The following NCOR2 variants were observed in gnomAD, a reference collection of about 807,000 sequenced individuals.
The protein encoded by NCOR2 is nuclear receptor corepressor 2, also known as CTG repeat protein 26.
A neutral mutation model predicts 262.9 loss-of-function variants in NCOR2; 81 were observed. That is an observed-to-expected ratio of 0.31 (90% CI 0.26 to 0.37). NCOR2 has a LOEUF of 0.37. Ranked by LOEUF, NCOR2 falls within the 10% of genes least tolerant of loss-of-function variation. The pLI is 1.00. For synonymous variants in NCOR2, 1,659 were observed against 1,559.3 expected (o/e 1.06, Z -1.51); for missense variants, 3,385 against 3,621.4 (o/e 0.93, Z 1.68).
At chr12:124,478,706 G>A (rs973631478) in intron 3 of NCOR2, among the ~76,000 whole-genome samples, 2 of 152,088 alleles carry the variant, frequency 1.3e-5, no homozygotes, top group Admixed American at 6.5e-5. Flanking sequence ...AAGCAGAGAG[G>A]AGAGAGAGAC....
intron 12 of NCOR2, among the ~76,000 whole-genome samples, chr12:124,421,041 G>A (rs957751505): frequency 2.0e-5 from 3 of 152,234 alleles, no homozygotes; most frequent in East Asian, 3.9e-4. Flanking sequence ...GTGGGTGCCC[G>A]ACTTCTCCTT....
chr12:124,325,386 C>CCCCCG (rs767845044), exon 47 of NCOR2: 5 of 589,734 alleles, frequency 8.5e-6, no homozygotes, highest in East Asian at 3.8e-5. Flanking sequence ...CGCCCCCCCC[C>CCCCCG]CCGCCCTGTT....
At position 124,503,641 on chromosome 12, in the gene NCOR2, TGGATGGATGGATGGATGGATGGAC is replaced by T. The variant is rs1362339686; in HGVS notation, c.-117-8297_-117-8274del. Among the ~76,000 whole-genome samples, 3 of 140,644 alleles carry T rather than the reference TGGATGGATGGATGGATGGATGGAC, an allele frequency of 2.1e-5. No homozygotes were observed. The highest frequency in any genetic ancestry group is 8.3e-5 in the African/African-American group (3 of 36,316). 92.3% of individuals were successfully genotyped at this position (140,644 alleles called of 152,430 possible). On this transcript the variant is annotated intron_variant, in intron 1 of 46. Transcript: ENST00000404621. The surrounding 1 kb of genome is among the most constrained non-coding windows in gnomAD (Gnocchi z 4.3). ...ATGGATGGATGGATGGATGGGCGAA[TGGATGGATGGATGGATGGATGGAC>T]GGGTGAATGGATGGATGGATGGATG...
At chr12:124,374,433 C>T (rs868820297) in exon 19 of NCOR2, 1 of 1,613,032 alleles carries the variant, frequency 6.2e-7, no homozygotes, top group South Asian at 1.1e-5. Flanking sequence ...GCATTCCCCT[C>T]TGGGCACCTC....
At chr12:124,521,638 T>C (rs963010619) in intron 1 of NCOR2, among the ~76,000 whole-genome samples, 3 of 152,164 alleles carry the variant, frequency 2.0e-5, no homozygotes, top group African/African-American at 7.2e-5. Flanking sequence ...CGGTACAGGG[T>C]TCCTTTTGGG....
At chr12:124,431,637 A>AC (rs1229162712) in intron 8 of NCOR2, among the ~76,000 whole-genome samples, 1 of 151,294 alleles carries the variant, frequency 6.6e-6, no homozygotes. Flanking sequence ...ATACACAGGC[A>AC]CACATACATA....
At position 124,334,632 on chromosome 12, in the gene NCOR2, G is replaced by A; in HGVS notation, c.6412-15C>T. ...GTGATGACCTCCTGCAGGCAAGTGG[G>A]GGGGCCCAGAGTCAGGCAGCACTCT... On this transcript the variant is annotated splice_polypyrimidine_tract_variant and intron_variant, in intron 40 of 46. Coordinates refer to ENST00000405201, the Ensembl canonical transcript of NCOR2. 1.5e-6 allele frequency: 2 copies of A among 1,368,254 alleles called. No homozygotes were observed. The highest frequency in any genetic ancestry group is 2.8e-5 in the East Asian group (1 of 36,204). The allele number at this position is 1,368,254 out of a possible 1,614,324, so 84.8% of individuals were successfully genotyped here.
At chr12:124,557,023 G>A (rs967783006) in intron 1 of NCOR2, among the ~76,000 whole-genome samples, 2 of 152,398 alleles carry the variant, frequency 1.3e-5, no homozygotes, top group Admixed American at 6.5e-5. Flanking sequence ...GGCAAGGGGA[G>A]CAGGTCGCAG....
intron 1 of NCOR2, among the ~76,000 whole-genome samples, chr12:124,490,632 C>G (rs1434584663): frequency 2.0e-5 from 3 of 152,272 alleles, no homozygotes; most frequent in Non-Finnish European, 2.9e-5. Flanking sequence ...AGAGACCCCC[C>G]CCAGGGCACT....
At chr12:124,362,620 G>T (rs1458822860) in intron 21 of NCOR2, among the ~76,000 whole-genome samples, 3 of 147,598 alleles carry the variant, frequency 2.0e-5, no homozygotes, top group African/African-American at 7.6e-5. Flanking sequence ...TGGACAGGGG[G>T]AGCCCACCTC....
Position 124,451,756 on chromosome 12 carries a change from C to T in NCOR2, c.763-1889G>A, listed in dbSNP as rs148593748. Among the ~76,000 whole-genome samples, 282 of 152,266 alleles carry T rather than the reference C, an allele frequency of 1.9e-3. 1 individual carries two copies. The highest frequency in any genetic ancestry group is 6.3e-3 in the African/African-American group (260 of 41,528). On this transcript the variant is annotated intron_variant, in intron 6 of 46. Transcript: ENST00000405201. ...CTGCAGCCTCAGGGCAGGGCTGCAG[C>T]GACAGAAGGGACACACAAGTCTCTT...
At chr12:124,399,835 C>T (rs768626207) in intron 15 of NCOR2, among the ~76,000 whole-genome samples, 8 of 152,108 alleles carry the variant, frequency 5.3e-5, no homozygotes, top group Admixed American at 6.5e-5. Flanking sequence ...CCCCCTGCGG[C>T]GAATCTTGGG....
intron 20 of NCOR2, among the ~76,000 whole-genome samples, chr12:124,367,120 C>T (rs1488463441): frequency 6.6e-6 from 1 of 152,116 alleles, no homozygotes; most frequent in African/African-American, 2.4e-5. Context: ...GCAGTCTGCC[C>T]GAGAGCTCGC....
rs1225543718 is a variant in NCOR2 at position 124,517,608 on chromosome 12, G to A, written c.-118+17957C>T. 6.6e-6 allele frequency among the ~76,000 whole-genome samples: 1 copy of A among 152,298 alleles called. No individual in the cohort carries two copies. Among genetic ancestry groups the A allele is most frequent in the East Asian group, 1.9e-4 (1 of 5,158 alleles). On this transcript the variant is annotated intron_variant, in intron 1 of 46. Transcript: ENST00000404621. This position sits in a 1 kb window ranked among gnomAD's most constrained non-coding sequence, Gnocchi z 7.6. Reference sequence around the variant, plus strand: ...GCGGAGCCCCAGGGCAGAGCCTCGGGAGCGCCCACGATCACATGCCCTCCT... The same window carrying A: ...GCGGAGCCCCAGGGCAGAGCCTCGGAAGCGCCCACGATCACATGCCCTCCT...
chr12:124,407,592 G>A (rs1045390294), intron 13 of NCOR2, among the ~76,000 whole-genome samples: 3 of 152,206 alleles, frequency 2.0e-5, no homozygotes, highest in Non-Finnish European at 2.9e-5. Flanking sequence ...GCAGGTCGCA[G>A]GAAGGAAGAC....
At chr12:124,354,323 C>T (rs1227877135) in intron 26 of NCOR2, 127 bp from the exon 29 acceptor site, 4 of 1,169,640 alleles carry the variant, frequency 3.4e-6, no homozygotes, top group African/African-American at 3.0e-5. Flanking sequence ...CAGAGGGAGT[C>T]CCCCTACCCC....
At position 124,363,835 on chromosome 12, in the gene NCOR2, C is replaced by G. The variant is rs1323447709; in HGVS notation, c.2808-36G>C. 2.3e-6 allele frequency: 3 copies of G among 1,320,194 alleles called. No individual in the cohort carries two copies. In the East Asian group the frequency reaches 8.4e-5, roughly 37 times the overall value. 81.8% of individuals were successfully genotyped at this position (1,320,194 alleles called of 1,614,324 possible). The stretch of plus-strand genomic sequence containing the variant: ...ACGAGCACCATCAGCTGGGGGCCCA[C>G]AGCCGGACTCTCCCAGGGTGGGGGG... On this transcript the variant is annotated intron_variant, in intron 20 of 46. Coordinates refer to ENST00000405201, the Ensembl canonical transcript of NCOR2.
chr12:124,386,000 C>T lies in NCOR2; in HGVS notation c.1877-113G>A. On this transcript the variant is annotated intron_variant, in intron 16 of 46. Coordinates refer to ENST00000405201, the Ensembl canonical transcript of NCOR2. The stretch of plus-strand genomic sequence containing the variant: ...TGGAGCAGAAACCCAGCCTGGGGCT[C>T]CCTGCTCAGGCCCAGGACCTCTGGA... 5 of 1,320,148 alleles carry T rather than the reference C, an allele frequency of 3.8e-6. No individual in the cohort carries two copies. In the South Asian group the frequency reaches 7.3e-5, roughly 19 times the overall value. 81.8% of individuals were successfully genotyped at this position (1,320,148 alleles called of 1,614,324 possible).
At position 124,516,512 on chromosome 12, in the gene NCOR2, C is replaced by T. The variant is rs537593179; in HGVS notation, c.-118+19053G>A. ...CTGCAAAGAAGAAAAGAAAAATGGA[C>T]GGAACTCGAACTTAAATCCAACCTT... On this transcript the variant is annotated intron_variant, in intron 1 of 46. Transcript: ENST00000404621. Among the ~76,000 whole-genome samples the T allele has an allele frequency of 6.6e-4, 101 of 152,294 alleles. 1 individual carries two copies. Among genetic ancestry groups the T allele is most frequent in the African/African-American group, 2.3e-3 (95 of 41,546 alleles).
Sources: allele counts gnomAD v4.1 joint callset (sites outside exome capture counted in the v4.1 genomes callset), GRCh38; gene constraint gnomAD v4.1.1; non-coding constraint Gnocchi (gnomAD v3.1); transcripts MANE v1.5; gene names NCBI Gene and HGNC (gene_info 2026-07-23, HGNC 2026-07-21).